Variants in CADPS2 observed in about 807,000 individuals in gnomAD.
CADPS2 encodes calcium-dependent secretion activator 2.
Under a neutral mutation model 172.5 loss-of-function variants are expected in CADPS2, and 93 were observed. The observed-to-expected ratio is 0.54, with a 90% CI of 0.46 to 0.64. The LOEUF (loss-of-function observed/expected upper bound fraction) is 0.64, where lower values mean the gene tolerates loss of function less well. CADPS2 is among the 30% of genes least tolerant of loss of function. The pLI is 0.00. For missense variants in CADPS2, 1,420 were observed against 1,565.9 expected, an observed-to-expected ratio of 0.91 and a Z score of 1.57; for synonymous variants, 546 against 555.2, an observed-to-expected ratio of 0.98 and a Z score of 0.23.
chr7:122,519,823 T>A (rs2060643075), intron 8 of CADPS2, among the ~76,000 whole-genome samples: 1 of 151,884 alleles, frequency 6.6e-6, no homozygotes, highest in South Asian at 2.1e-4. Context: ...GGGAAAAAAG[T>A]TAAGAGAAAA....
At chr7:122,393,677 G>T (rs2044694184) in intron 20 of CADPS2, 95 bp from the exon 21 acceptor site, 2 of 1,267,866 alleles carry the variant, frequency 1.6e-6, no homozygotes, top group East Asian at 2.4e-5. Context: ...GAGAGAGTCT[G>T]ACACAGAAGA....
chr7:122,579,424 G>A (rs981195554), intron 7 of CADPS2, among the ~76,000 whole-genome samples: 2 of 141,174 alleles, frequency 1.4e-5, no homozygotes, highest in African/African-American at 2.7e-5. Flanking sequence ...GAGCATAAGC[G>A]GTTTCTCAGA....
At chr7:122,647,893 T>C (rs193023179) in intron 3 of CADPS2, among the ~76,000 whole-genome samples, 94 of 152,300 alleles carry the variant, frequency 6.2e-4, no homozygotes, top group African/African-American at 2.1e-3. Flanking sequence ...AGAAGGAATT[T>C]ATTGAATATA....
At chr7:122,859,762 A>T (rs1816417601) in intron 1 of CADPS2, among the ~76,000 whole-genome samples, 1 of 152,094 alleles carries the variant, frequency 6.6e-6, no homozygotes, top group South Asian at 2.1e-4. Flanking sequence ...TCTCCAGGTT[A>T]CTTATAATAC....
Position 122,822,531 on chromosome 7 carries a change from T to A in CADPS2, c.339+63468A>T, listed in dbSNP as rs550176338. Among the ~76,000 whole-genome samples, 370 of 150,034 alleles carry A rather than the reference T, an allele frequency of 2.5e-3. 2 individuals are homozygous for A. The highest frequency in any genetic ancestry group is 4.4e-3 in the Non-Finnish European group (297 of 67,634). On this transcript the variant is annotated intron_variant, in intron 1 of 29. Transcript: ENST00000449022. ...ACACTATTTTGTTTTATTTTTCTTATTAATATAAGAAGGCAGAAATGTCAG... is the reference window on the plus strand; with the variant it reads ...ACACTATTTTGTTTTATTTTTCTTAATAATATAAGAAGGCAGAAATGTCAG...
intron 2 of CADPS2, among the ~76,000 whole-genome samples, chr7:122,706,764 A>T (rs1488459908): frequency 6.8e-6 from 1 of 148,146 alleles, no homozygotes; most frequent in African/African-American, 2.5e-5. Flanking sequence ...TATATATATA[A>T]AATGTATGTG....
intron 2 of CADPS2, among the ~76,000 whole-genome samples, chr7:122,715,753 G>T (rs946707383): frequency 1.3e-5 from 2 of 150,708 alleles, no homozygotes; most frequent in Non-Finnish European, 3.0e-5. Context: ...ACCAACCACA[G>T]TGCAAAGCTC....
At chr7:122,518,357 A>G (rs763836160) in intron 8 of CADPS2, among the ~76,000 whole-genome samples, 12 of 152,138 alleles carry the variant, frequency 7.9e-5, no homozygotes, top group Admixed American at 2.0e-4. Context: ...AGCTGATAAA[A>G]TTAAATGTAA....
chr7:122,424,832 G>T (rs2151840067), intron 17 of CADPS2, among the ~76,000 whole-genome samples: 1 of 151,926 alleles, frequency 6.6e-6, no homozygotes, highest in South Asian at 2.1e-4. Flanking sequence ...TGCAAAGACT[G>T]TGAAGGCTTG....
intron 7 of CADPS2, among the ~76,000 whole-genome samples, chr7:122,559,143 T>C (rs1200422707): frequency 1.3e-5 from 2 of 151,890 alleles, no homozygotes; most frequent in African/African-American, 2.4e-5. Context: ...ACAGCTTTCA[T>C]AGAGGAATTA....
chr7:122,802,884 C>A (rs1203301313), intron 1 of CADPS2, among the ~76,000 whole-genome samples: 1 of 152,146 alleles, frequency 6.6e-6, no homozygotes, highest in Non-Finnish European at 1.5e-5. Context: ...GAGCACAATT[C>A]CATTTTTGTA....
At chr7:122,784,289 C>A (rs537200376) in intron 1 of CADPS2, among the ~76,000 whole-genome samples, 13 of 152,110 alleles carry the variant, frequency 8.5e-5, no homozygotes, top group Non-Finnish European at 1.6e-4. Flanking sequence ...TCGTTGGGTA[C>A]TGTTTACTTT....
intron 1 of CADPS2, among the ~76,000 whole-genome samples, chr7:122,812,715 C>T (rs1800331252): frequency 6.6e-6 from 1 of 152,140 alleles, no homozygotes; most frequent in Non-Finnish European, 1.5e-5. Context: ...TCTTCAGACT[C>T]TCTCCACCGT....
chr7:122,383,848 C>A (rs935123912), intron 24 of CADPS2, among the ~76,000 whole-genome samples: 1 of 152,084 alleles, frequency 6.6e-6, no homozygotes, highest in Admixed American at 6.6e-5. Context: ...ATTGTTAGTT[C>A]CAGAAATGGA....
intron 28 of CADPS2, among the ~76,000 whole-genome samples, chr7:122,327,992 C>T (rs142474246): frequency 8.2e-4 from 125 of 152,042 alleles, no homozygotes; most frequent in Non-Finnish European, 1.5e-3. Context: ...TAAGTCAAAG[C>T]ATTTTCAAGA....
At chr7:122,810,258 G>C in intron 1 of CADPS2, among the ~76,000 whole-genome samples, 1 of 152,112 alleles carries the variant, frequency 6.6e-6, no homozygotes, top group East Asian at 1.9e-4. Flanking sequence ...GGGAAGGTAA[G>C]TAAGGAGGTA....
intron 2 of CADPS2, among the ~76,000 whole-genome samples, chr7:122,733,694 A>G (rs914353028): frequency 6.6e-6 from 1 of 151,986 alleles, no homozygotes; most frequent in Non-Finnish European, 1.5e-5. Flanking sequence ...CACCAATCAG[A>G]GCTCACCTAC....
chr7:122,873,345 GGT>G (rs1402932375), intron 1 of CADPS2, among the ~76,000 whole-genome samples: 3 of 151,948 alleles, frequency 2.0e-5, no homozygotes, highest in Non-Finnish European at 4.4e-5. Context: ...AATAGGCCCT[GGT>G]GTGTGATGTT....
intron 6 of CADPS2, among the ~76,000 whole-genome samples, chr7:122,604,153 T>C (rs930676489): frequency 6.6e-6 from 1 of 152,158 alleles, no homozygotes; most frequent in Non-Finnish European, 1.5e-5. Context: ...TTTTAAATAT[T>C]ATGAATTCGG....
Sources: allele counts gnomAD v4.1 joint callset (sites outside exome capture counted in the v4.1 genomes callset), GRCh38; gene constraint gnomAD v4.1.1; transcripts MANE v1.5; gene names NCBI Gene and HGNC (gene_info 2026-07-23, HGNC 2026-07-21).